GFI1B: variants seen among roughly 807,000 people sequenced by gnomAD.
The protein encoded by GFI1B is growth factor independent 1B transcriptional repressor.
Under a neutral mutation model 35.3 loss-of-function variants are expected in GFI1B, and 20 were observed. The observed-to-expected ratio is 0.57, with a 90% CI of 0.40 to 0.82. The LOEUF is 0.82. GFI1B is among the 40% of genes least tolerant of loss of function. The pLI is 0.00. For missense variants in GFI1B, 430 were observed against 446.3 expected (o/e 0.96, Z 0.33); for synonymous variants, 178 against 177.6 (o/e 1.00, Z -0.02).
Position 132,990,426 on chromosome 9 carries a change from TTTG to T in GFI1B, c.815-442_815-440del, listed in dbSNP as rs775074698. Among the ~76,000 whole-genome samples the T allele has an allele frequency of 6.8e-4, 104 of 151,916 alleles. No homozygotes were observed. The South Asian group carries it at 0.014, about 21-fold the overall frequency. ...ATTCATTTGTTCACTCATTCATTCA[TTTG>T]TTGATTCATTTGTTCACTCATTCAC... is the stretch of plus-strand genomic sequence containing the variant. On this transcript the variant is annotated intron_variant, in intron 6 of 6. Transcript: ENST00000372122.
In GFI1B at chr9:132,988,318, G is replaced by T; in HGVS notation, c.360G>T (p.Arg120=). The T allele has an allele frequency of 1.9e-6, 3 of 1,614,166 alleles. No homozygotes were observed. The highest frequency in any genetic ancestry group is 1.7e-6 in the Non-Finnish European group (2 of 1,180,000). The change falls in exon 4 of 7, where the codon CGG becomes CGT. Residue 120 remains arginine, a synonymous_variant. Coordinates refer to ENST00000372122, the MANE Select transcript of GFI1B (RefSeq NM_001377304.1). ...TLATTYGHSY[R]QAPSTMQSAF... is the part of the protein sequence containing the mutation. ...CCACAACCTATGGCCACAGCTACCG[G>T]CAGGCCCCCTCCACCATGCAGTCAG...
intron 6 of GFI1B, among the ~76,000 whole-genome samples, chr9:132,990,354 C>CTCATTCATTTGTTCACTCAT (rs1446743122): frequency 1.3e-5 from 2 of 151,768 alleles, no homozygotes; most frequent in Non-Finnish European, 2.9e-5. Flanking sequence ...CACTCATTTG[C>CTCATTCATTTGTTCACTCAT]TCATTCATTT....
chr9:132,952,637 A>G (rs2132584567), intron 1 of GFI1B: 1 of 152,220 alleles, frequency 6.6e-6, no homozygotes, highest in African/African-American at 2.4e-5. Context: ...AACTCTCCTC[A>G]TTTGTCTTTC....
chr9:132,990,348 C>T (rs1397754136), intron 6 of GFI1B, among the ~76,000 whole-genome samples: 2 of 152,138 alleles, frequency 1.3e-5, no homozygotes, highest in African/African-American at 2.4e-5. Context: ...TTTGTTCACT[C>T]ATTTGCTCAT....
intron 1 of GFI1B, among the ~76,000 whole-genome samples, chr9:132,979,567 C>G (rs555628991): frequency 7.2e-5 from 11 of 152,120 alleles, no homozygotes; most frequent in Non-Finnish European, 1.5e-4. Context: ...GAGAGTCAGG[C>G]GCTCTCCCCT....
intron 6 of GFI1B, 137 bp from the exon 7 acceptor site, chr9:132,990,735 A>C: frequency 1.4e-6 from 1 of 731,980 alleles, no homozygotes; most frequent in Non-Finnish European, 2.4e-6. Flanking sequence ...TTATTTTCTA[A>C]AGTGAATGTG....
At chr9:132,959,580 C>T (rs1047662273) in intron 1 of GFI1B, among the ~76,000 whole-genome samples, 2 of 152,214 alleles carry the variant, frequency 1.3e-5, no homozygotes, top group African/African-American at 4.8e-5. Flanking sequence ...ATATTCATTT[C>T]CCAGGGCTGC....
At chr9:132,983,049 C>G (rs1335095699) in intron 1 of GFI1B, among the ~76,000 whole-genome samples, 1 of 152,026 alleles carries the variant, frequency 6.6e-6, no homozygotes, top group African/African-American at 2.4e-5. Context: ...CTCCTTAGGC[C>G]CTGAGCCCAG....
At chr9:132,993,346 G>A (rs1371042043), downstream of GFI1B, among the ~76,000 whole-genome samples, 2 of 152,068 alleles carry the variant, frequency 1.3e-5, no homozygotes, top group African/African-American at 2.4e-5. Context: ...CTTTCCAGGT[G>A]TGCTCAGGTG....
intron 4 of GFI1B, 95 bp downstream of exon 4, chr9:132,988,563 G>A (rs549052526): frequency 1.7e-6 from 2 of 1,159,752 alleles, no homozygotes; most frequent in African/African-American, 1.5e-5. Context: ...TGCTGTGAAT[G>A]TTGGGGCTCT....
rs769624853 is a variant in GFI1B, at chr9:132,989,737, G to C, written c.649-5G>C. ...GACCCCCCGGGGCCTCATTTCCTCCGGCAGGAGCGCAGCTTCGAGTGCCGC... is the reference window on the plus strand; with the variant it reads ...GACCCCCCGGGGCCTCATTTCCTCCCGCAGGAGCGCAGCTTCGAGTGCCGC... On this transcript the variant is annotated splice_region_variant and splice_polypyrimidine_tract_variant and intron_variant, in intron 5 of 6. Transcript: ENST00000372122. This position sits in a 1 kb window ranked among gnomAD's most constrained non-coding sequence, Gnocchi z 6.2. 6 of 1,613,536 alleles carry C rather than the reference G, an allele frequency of 3.7e-6. No individual in the cohort carries two copies. In the East Asian group the frequency reaches 1.1e-4, roughly 30 times the overall value.
intron 1 of GFI1B, among the ~76,000 whole-genome samples, chr9:132,969,757 C>T (rs1214334563): frequency 2.6e-5 from 4 of 152,142 alleles, no homozygotes; most frequent in African/African-American, 9.7e-5. Context: ...ATTCATCTTG[C>T]AGAAATGTGT....
chr9:132,992,308 C>T (rs551561308), downstream of GFI1B, among the ~76,000 whole-genome samples: 2 of 152,170 alleles, frequency 1.3e-5, no homozygotes, highest in Non-Finnish European at 2.9e-5. Context: ...AACGTAATCA[C>T]CGTGATTGGC....
chr9:132,970,734 C>T (rs755259871), intron 1 of GFI1B, among the ~76,000 whole-genome samples: 1 of 152,136 alleles, frequency 6.6e-6, no homozygotes, highest in Non-Finnish European at 1.5e-5. Context: ...GCCCCTCCAC[C>T]CTGTCTGGCC....
chr9:132,984,423 C>T (rs952188442), intron 1 of GFI1B, among the ~76,000 whole-genome samples: 19 of 152,132 alleles, frequency 1.2e-4, no homozygotes, highest in Admixed American at 1.3e-4. Context: ...TTCAGAGAGC[C>T]GAGAATCTGA....
At chr9:132,976,094 T>C (rs150676413), upstream of GFI1B, among the ~76,000 whole-genome samples, 578 of 152,234 alleles carry the variant, frequency 3.8e-3, 3 homozygotes, top group African/African-American at 0.013. Context: ...GACCCTAAAG[T>C]GGGATTACAA....
In GFI1B at chr9:132,991,608, C is replaced by T. The variant is rs370319902; in HGVS notation, c.*558C>T. On this transcript the variant is annotated 3_prime_UTR_variant, in exon 7 of 7. Transcript: ENST00000372122. ...GGGGATTCTAGCTCCACAACCAGGC[C>T]GTGAGGCTGGAGAAACTGGCAGTTA... 2.5e-5 allele frequency: 4 copies of T among 158,414 alleles called. No homozygotes were observed. Among genetic ancestry groups the T allele is most frequent in the South Asian group, 3.7e-4 (2 of 5,430 alleles). 9.8% of individuals were successfully genotyped at this position (158,414 alleles called of 1,614,324 possible). A position where few individuals can be genotyped will look rare whatever the true frequency, so the allele number is the denominator to read the frequency against.
chr9:132,966,010 TA>T (rs1848445781), intron 1 of GFI1B, among the ~76,000 whole-genome samples: 1 of 152,110 alleles, frequency 6.6e-6, no homozygotes, highest in Non-Finnish European at 1.5e-5. Flanking sequence ...ATTAAATTAT[TA>T]AAAAAATCCA....
At chr9:132,974,395 T>A (rs149941576), upstream of GFI1B, among the ~76,000 whole-genome samples, 3,170 of 149,534 alleles carry the variant, frequency 0.021, 105 homozygotes, top group African/African-American at 0.074. Flanking sequence ...AGGTTAGGAG[T>A]TTGAGACTAG....
Sources: allele counts gnomAD v4.1 joint callset (sites outside exome capture counted in the v4.1 genomes callset), GRCh38; gene constraint gnomAD v4.1.1; non-coding constraint Gnocchi (gnomAD v3.1); transcripts MANE v1.5; gene names NCBI Gene and HGNC (gene_info 2026-07-23, HGNC 2026-07-21).